SLCO4C1: variants seen among roughly 807,000 people sequenced by gnomAD.
The protein encoded by SLCO4C1 is solute carrier organic anion transporter family member 4C1.
SLCO4C1 carries 58 observed loss-of-function variants against 72.1 expected under a neutral mutation model. That is an observed-to-expected ratio of 0.80 (90% CI 0.65 to 1.00). The LOEUF (loss-of-function observed/expected upper bound fraction) is 1.00. Ranked by LOEUF, SLCO4C1 falls within the 50% of genes least tolerant of loss-of-function variation. The pLI is 0.00. For missense variants in SLCO4C1, 898 were observed against 857.9 expected, an observed-to-expected ratio of 1.05 and a Z score of -0.58; for synonymous variants, 297 against 312.5, an observed-to-expected ratio of 0.95 and a Z score of 0.52.
At chr5:102,274,867 T>C (rs1247858506) in intron 2 of SLCO4C1, among the ~76,000 whole-genome samples, 1 of 152,168 alleles carries the variant, frequency 6.6e-6, no homozygotes, top group African/African-American at 2.4e-5. Flanking sequence ...TGCTTTTGTT[T>C]ATAGTTGACC....
At chr5:102,276,858 C>G (rs1749255711) in intron 2 of SLCO4C1, among the ~76,000 whole-genome samples, 1 of 152,040 alleles carries the variant, frequency 6.6e-6, no homozygotes, top group Admixed American at 6.6e-5. Context: ...TGACTGTGTG[C>G]CTTGATGGAA....
intron 3 of SLCO4C1, among the ~76,000 whole-genome samples, chr5:102,265,421 A>G (rs1190135446): frequency 6.6e-6 from 1 of 152,062 alleles, no homozygotes; most frequent in African/African-American, 2.4e-5. Context: ...TGTTTCCCCT[A>G]TGTTTTCCTC....
At chr5:102,270,150 C>T (rs1749122579) in intron 3 of SLCO4C1, among the ~76,000 whole-genome samples, 1 of 152,056 alleles carries the variant, frequency 6.6e-6, no homozygotes, top group African/African-American at 2.4e-5. Flanking sequence ...CTTTACCTTG[C>T]AGGAACATAA....
Position 102,296,149 on chromosome 5 carries a change from G to A in SLCO4C1, c.114C>T (p.Asp38=), listed in dbSNP as rs1376694188. 2 of 1,614,024 alleles carry A rather than the reference G, an allele frequency of 1.2e-6. No individual in the cohort carries two copies. The highest frequency in any genetic ancestry group is 1.7e-6 in the Non-Finnish European group (2 of 1,179,940). ...SQIEVSALSS[D]PQRENSQPQE... ...GTGGCTGAGAATTCTCTCTTTGGGGGTCAGAGGACAAGGCAGAGACTTCGA... is the reference window on the plus strand; with the variant it reads ...GTGGCTGAGAATTCTCTCTTTGGGGATCAGAGGACAAGGCAGAGACTTCGA... Residue 38 remains aspartate, a synonymous_variant, in exon 1 of 13, where the codon GAC becomes GAT. Coordinates refer to ENST00000310954, the MANE Select transcript of SLCO4C1 (RefSeq NM_180991.5).
At chr5:102,237,632 G>A (rs908184294) in intron 12 of SLCO4C1, among the ~76,000 whole-genome samples, 2 of 151,896 alleles carry the variant, frequency 1.3e-5, no homozygotes, top group Non-Finnish European at 2.9e-5. Context: ...AAATAAATTC[G>A]TTAACACAAT....
At chr5:102,256,078 C>A (rs368248603) in intron 8 of SLCO4C1, among the ~76,000 whole-genome samples, 1 of 152,054 alleles carries the variant, frequency 6.6e-6, no homozygotes, top group African/African-American at 2.4e-5. Context: ...TGGTGGCATG[C>A]GCCTGTAGTC....
intron 2 of SLCO4C1, among the ~76,000 whole-genome samples, chr5:102,284,051 C>T (rs1283796868): frequency 6.6e-6 from 1 of 151,966 alleles, no homozygotes; most frequent in African/African-American, 2.4e-5. Context: ...AAAAAGATTA[C>T]GGAAAATAAT....
chr5:102,271,449 T>C (rs1749151165), intron 2 of SLCO4C1, among the ~76,000 whole-genome samples: 1 of 151,572 alleles, frequency 6.6e-6, no homozygotes, highest in Admixed American at 6.6e-5. Flanking sequence ...ATAGGACAGG[T>C]TACAAAGAGT....
Position 102,236,750 on chromosome 5 carries a change from T to C in SLCO4C1, c.*108A>G. ...CATTTGATTATAAAAACATCAATTTTGTAAATATGATTGTCCATATTGGAT... is the reference window on the plus strand; with the variant it reads ...CATTTGATTATAAAAACATCAATTTCGTAAATATGATTGTCCATATTGGAT... On this transcript the variant is annotated 3_prime_UTR_variant, in exon 13 of 13. Transcript: ENST00000310954. The C allele has an allele frequency of 8.4e-7, 1 of 1,192,404 alleles. No individual in the cohort carries two copies. The highest frequency in any genetic ancestry group is 1.2e-6 in the Non-Finnish European group (1 of 844,512). 73.9% of individuals were successfully genotyped at this position (1,192,404 alleles called of 1,614,324 possible). A position where few individuals can be genotyped will look rare whatever the true frequency, so the allele number is the denominator to read the frequency against.
At chr5:102,250,804 C>G (rs1470590698) in intron 8 of SLCO4C1, among the ~76,000 whole-genome samples, 2 of 151,932 alleles carry the variant, frequency 1.3e-5, no homozygotes, top group Non-Finnish European at 1.5e-5. Context: ...GCCTGGCCAA[C>G]ATGATGAAAC....
Position 102,236,801 on chromosome 5 carries a change from G to T in SLCO4C1, c.*57C>A. On this transcript the variant is annotated 3_prime_UTR_variant, in exon 13 of 13. Transcript: ENST00000310954. ...AGATAATCCTGCCATGGCAATGTGTGTTCTTAAAAATCGAGGTAAATTTTC... is the reference window on the plus strand; with the variant it reads ...AGATAATCCTGCCATGGCAATGTGTTTTCTTAAAAATCGAGGTAAATTTTC... 3 of 1,533,686 alleles carry T rather than the reference G, an allele frequency of 2.0e-6. No individual in the cohort carries two copies. Among genetic ancestry groups the T allele is most frequent in the Non-Finnish European group, 1.8e-6 (2 of 1,121,388 alleles).
In SLCO4C1 at chr5:102,236,835, A is replaced by G. The variant is rs775660339; in HGVS notation, c.*23T>C. On this transcript the variant is annotated 3_prime_UTR_variant, in exon 13 of 13. Transcript: ENST00000310954. ...AATCGAGGTAAATTTTCCAGGTGTA[A>G]AACAGTCTTCTCTTTTCCCATTTCA... 1 of 1,607,512 alleles carries G rather than the reference A, an allele frequency of 6.2e-7. No homozygotes were observed. Among genetic ancestry groups the G allele is most frequent in the South Asian group, 1.1e-5 (1 of 88,860 alleles).
intron 5 of SLCO4C1, among the ~76,000 whole-genome samples, chr5:102,260,554 G>A (rs376113449): frequency 4.0e-5 from 6 of 151,510 alleles, no homozygotes; most frequent in Non-Finnish European, 5.9e-5. Flanking sequence ...TCTGTAATCA[G>A]GATGCCCCAA....
At chr5:102,285,548 G>A (rs1051776826) in intron 2 of SLCO4C1, among the ~76,000 whole-genome samples, 11 of 152,142 alleles carry the variant, frequency 7.2e-5, no homozygotes, top group African/African-American at 2.4e-4. Flanking sequence ...GCCTCCCAAA[G>A]TGCTGGGATT....
At position 102,265,767 on chromosome 5, in the gene SLCO4C1, TGC is replaced by T. The variant is rs543128801; in HGVS notation, c.803-1989_803-1988del. On this transcript the variant is annotated intron_variant, in intron 3 of 12. Transcript: ENST00000310954. ...GTGATGCTTTCGGTTTTGTTCTTTG[TGC>T]TCAGGATTGTTTTGGCTATTTGGCA... 3.3e-4 allele frequency among the ~76,000 whole-genome samples: 50 copies of T among 152,302 alleles called. No homozygotes were observed. In the East Asian group the frequency reaches 7.7e-3, roughly 23 times the overall value.
chr5:102,255,612 C>G (rs561696275), intron 8 of SLCO4C1, among the ~76,000 whole-genome samples: 2 of 152,224 alleles, frequency 1.3e-5, no homozygotes, highest in East Asian at 1.9e-4. Flanking sequence ...GCATTTATAA[C>G]CTTGGTTTAG....
At chr5:102,260,462 C>T (rs1435309658) in intron 5 of SLCO4C1, 143 bp from the exon 6 acceptor site, 1 of 189,948 alleles carries the variant, frequency 5.3e-6, no homozygotes, top group Non-Finnish European at 1.1e-5. Flanking sequence ...TTTTAACCGA[C>T]ACATACTTCC....
chr5:102,278,452 A>G (rs1749289466), intron 2 of SLCO4C1, among the ~76,000 whole-genome samples: 1 of 152,222 alleles, frequency 6.6e-6, no homozygotes, highest in Admixed American at 6.5e-5. Context: ...TAGCAAGGAT[A>G]TAAACTAACT....
At chr5:102,281,640 TG>T (rs113397473) in intron 2 of SLCO4C1, among the ~76,000 whole-genome samples, 61 of 152,166 alleles carry the variant, frequency 4.0e-4, no homozygotes, top group African/African-American at 1.3e-3. Context: ...TCACCAAAGA[TG>T]ATATGCAGAT....
Sources: allele counts gnomAD v4.1 joint callset (sites outside exome capture counted in the v4.1 genomes callset), GRCh38; gene constraint gnomAD v4.1.1; transcripts MANE v1.5; gene names NCBI Gene and HGNC (gene_info 2026-07-23, HGNC 2026-07-21).